KCTD16: variants seen among roughly 807,000 people sequenced by gnomAD.
KCTD16 encodes the protein BTB/POZ domain-containing protein KCTD16.
In KCTD16, 13 loss-of-function variants were observed where a neutral mutation model predicts 33.2. That is an observed-to-expected ratio of 0.39 (90% CI 0.25 to 0.62). The LOEUF (loss-of-function observed/expected upper bound fraction) is 0.62, where lower values mean the gene tolerates loss of function less well. Ranked by LOEUF, KCTD16 falls within the 20% of genes least tolerant of loss-of-function variation. KCTD16 has a pLI of 0.50. For synonymous variants in KCTD16, 197 were observed against 195.3 expected, an observed-to-expected ratio of 1.01 and a Z score of -0.07; for missense variants, 441 against 525.1, an observed-to-expected ratio of 0.84 and a Z score of 1.57.
chr5:144,349,733 C>G (rs1752898733), intron 3 of KCTD16, among the ~76,000 whole-genome samples: 1 of 152,146 alleles, frequency 6.6e-6, no homozygotes, highest in East Asian at 1.9e-4. Flanking sequence ...GGGGTCCTAT[C>G]CCTGGCCCAA....
chr5:144,389,426 C>CTGGAACCCTATTGTGAACTGAG (rs1752402642), intron 3 of KCTD16, among the ~76,000 whole-genome samples: 1 of 151,982 alleles, frequency 6.6e-6, no homozygotes, highest in Admixed American at 6.6e-5. Flanking sequence ...ACTGAGCATG[C>CTGGAACCCTATTGTGAACTGAG]AAGGGATCTA....
intron 3 of KCTD16, among the ~76,000 whole-genome samples, chr5:144,453,832 A>G (rs1304511524): frequency 1.3e-5 from 2 of 152,112 alleles, no homozygotes; most frequent in Non-Finnish European, 2.9e-5. Context: ...CTGGTTTTAG[A>G]CTGGCCTTAA....
chr5:144,395,335 A>T (rs1041997101), intron 3 of KCTD16, among the ~76,000 whole-genome samples: 1 of 152,190 alleles, frequency 6.6e-6, no homozygotes, highest in African/African-American at 2.4e-5. Context: ...AACTTATGTA[A>T]TGCAATCAAA....
At chr5:144,433,697 T>A (rs1177246565) in intron 3 of KCTD16, among the ~76,000 whole-genome samples, 1 of 152,206 alleles carries the variant, frequency 6.6e-6, no homozygotes, top group Non-Finnish European at 1.5e-5. Flanking sequence ...AAGGTCCTCC[T>A]ACTTCAGCTT....
At position 144,332,332 on chromosome 5, in the gene KCTD16, A is replaced by T. The variant is rs1407359181; in HGVS notation, c.832+124786A>T. Reference sequence around the variant, plus strand: ...CAGGCAAGGCGCAGGGGGCCTGGAGATTCTGGGTTGCTGGATACATTGGAA... The same window carrying T: ...CAGGCAAGGCGCAGGGGGCCTGGAGTTTCTGGGTTGCTGGATACATTGGAA... On this transcript the variant is annotated intron_variant, in intron 3 of 3. Coordinates refer to ENST00000512467, the MANE Select transcript of KCTD16 (RefSeq NM_020768.4). Among the ~76,000 whole-genome samples the T allele has an allele frequency of 2.6e-5, 4 of 152,224 alleles. No individual in the cohort carries two copies. The East Asian group carries it at 7.7e-4, about 29-fold the overall frequency.
chr5:144,416,964 T>C (rs1299208319), intron 3 of KCTD16, among the ~76,000 whole-genome samples: 2 of 152,216 alleles, frequency 1.3e-5, no homozygotes, highest in Non-Finnish European at 2.9e-5. Context: ...CATTCCTTTT[T>C]AATGGCTGAA....
At chr5:144,458,297 C>T (rs910162161) in intron 3 of KCTD16, among the ~76,000 whole-genome samples, 3 of 152,174 alleles carry the variant, frequency 2.0e-5, no homozygotes, top group East Asian at 3.9e-4. Flanking sequence ...GAGTGTAGTG[C>T]GATTTATAGT....
intron 3 of KCTD16, among the ~76,000 whole-genome samples, chr5:144,257,900 TAA>T (rs1258853408): frequency 6.6e-6 from 1 of 152,182 alleles, no homozygotes; most frequent in African/African-American, 2.4e-5. Context: ...CACCAAGCTC[TAA>T]GAGTTCAGTA....
chr5:144,271,743 T>TCTAAAAGA (rs1561549317), intron 3 of KCTD16, among the ~76,000 whole-genome samples: 6 of 150,054 alleles, frequency 4.0e-5, no homozygotes, highest in Admixed American at 2.7e-4. Context: ...ATCTGGTATG[T>TCTAAAAGA]CTAAAAGACT....
chr5:144,253,898 C>T (rs896084115), intron 3 of KCTD16, among the ~76,000 whole-genome samples: 1 of 152,102 alleles, frequency 6.6e-6, no homozygotes, highest in South Asian at 2.1e-4. Flanking sequence ...ATATGTTTTT[C>T]ATATAAAAGT....
At chr5:144,394,066 C>T (rs1183594736) in intron 3 of KCTD16, among the ~76,000 whole-genome samples, 1 of 151,254 alleles carries the variant, frequency 6.6e-6, no homozygotes, top group Non-Finnish European at 1.5e-5. Flanking sequence ...GGCAGCTCCC[C>T]CTGTCGTGCA....
intron 3 of KCTD16, among the ~76,000 whole-genome samples, chr5:144,303,984 C>A (rs1380710570): frequency 6.6e-6 from 1 of 152,166 alleles, no homozygotes; most frequent in African/African-American, 2.4e-5. Flanking sequence ...ACATCTATGA[C>A]ACTTTTTGGC....
intron 3 of KCTD16, among the ~76,000 whole-genome samples, chr5:144,346,335 T>A (rs1318494589): frequency 1.3e-5 from 2 of 152,226 alleles, no homozygotes; most frequent in African/African-American, 4.8e-5. Context: ...CAGATATCTC[T>A]TTGATATACT....
intron 3 of KCTD16, among the ~76,000 whole-genome samples, chr5:144,442,872 C>T (rs115825427): frequency 6.6e-6 from 1 of 151,994 alleles, no homozygotes; most frequent in Admixed American, 6.6e-5. Context: ...ACTAGGGATA[C>T]AAGTGGAAGT....
intron 3 of KCTD16, among the ~76,000 whole-genome samples, chr5:144,212,613 C>T (rs908453522): frequency 5.3e-5 from 8 of 152,238 alleles, no homozygotes; most frequent in Middle Eastern, 3.4e-3. Context: ...ACACAAAACA[C>T]GGAAAGGAGC....
intron 3 of KCTD16, among the ~76,000 whole-genome samples, chr5:144,257,472 C>A (rs946073455): frequency 6.6e-6 from 1 of 151,820 alleles, no homozygotes; most frequent in Admixed American, 6.6e-5. Flanking sequence ...ATGGAGTAAT[C>A]AGCAGATATT....
At chr5:144,311,646 A>G (rs1205527775) in intron 3 of KCTD16, among the ~76,000 whole-genome samples, 1 of 152,196 alleles carries the variant, frequency 6.6e-6, no homozygotes, top group African/African-American at 2.4e-5. Context: ...ATTTAGTGAA[A>G]TGAAAAGCAG....
chr5:144,454,132 C>A (rs951204545), intron 3 of KCTD16, among the ~76,000 whole-genome samples: 2 of 152,178 alleles, frequency 1.3e-5, no homozygotes, highest in Admixed American at 1.3e-4. Flanking sequence ...AGCACATATA[C>A]AGGTATGATA....
intron 3 of KCTD16, among the ~76,000 whole-genome samples, chr5:144,305,532 T>A (rs1751579483): frequency 6.6e-6 from 1 of 151,820 alleles, no homozygotes; most frequent in African/African-American, 2.4e-5. Flanking sequence ...AATTAAGGAG[T>A]AGGCTGGGTG....
Sources: allele counts gnomAD v4.1 joint callset (sites outside exome capture counted in the v4.1 genomes callset), GRCh38; gene constraint gnomAD v4.1.1; transcripts MANE v1.5; gene names NCBI Gene and HGNC (gene_info 2026-07-23, HGNC 2026-07-21).